Variants in METTL15 observed in about 807,000 individuals in gnomAD.
The protein encoded by METTL15 is 12S rRNA N(4)-cytidine methyltransferase METTL15.
A neutral mutation model predicts 38.3 loss-of-function variants in METTL15; 34 were observed. The observed-to-expected ratio is 0.89, with a 90% confidence interval of 0.68 to 1.18. The LOEUF is 1.18. Ranked by LOEUF, METTL15 falls within the 50% of genes most tolerant of loss-of-function variation. The probability of loss-of-function intolerance (pLI) is 0.00; values close to 1 mark genes in which losing one functional copy is unlikely to be tolerated. For missense variants in METTL15, 438 were observed against 498.4 expected (o/e 0.88, Z 1.15); for synonymous variants, 162 against 170.9 (o/e 0.95, Z 0.41).
At chr11:28,461,965 A>C (rs1469544391) in intron 6 of METTL15, among the ~76,000 whole-genome samples, 9 of 152,064 alleles carry the variant, frequency 5.9e-5, no homozygotes, top group Non-Finnish European at 4.4e-5. Context: ...TTCTCTGTAG[A>C]TGTGATTCAG....
chr11:28,488,085 T>G (rs1361132844), intron 6 of METTL15, among the ~76,000 whole-genome samples: 1 of 152,174 alleles, frequency 6.6e-6, no homozygotes, highest in Non-Finnish European at 1.5e-5. Flanking sequence ...TATTGTTTAT[T>G]TATACAACAG....
intron 3 of METTL15, among the ~76,000 whole-genome samples, chr11:28,207,119 G>T (rs1454087180): frequency 6.7e-6 from 1 of 149,206 alleles, no homozygotes; most frequent in Non-Finnish European, 1.5e-5. Context: ...TTGCCTCATT[G>T]CCCTGGCCAG....
At chr11:28,374,437 G>T (rs1028663255) in intron 5 of METTL15, among the ~76,000 whole-genome samples, 1 of 150,630 alleles carries the variant, frequency 6.6e-6, no homozygotes, top group African/African-American at 2.4e-5. Flanking sequence ...ATTGTGAATG[G>T]GAGTTCACTC....
chr11:28,232,896 A>G (rs185599122), intron 4 of METTL15, among the ~76,000 whole-genome samples: 90 of 152,190 alleles, frequency 5.9e-4, no homozygotes, highest in African/African-American at 2.0e-3. Context: ...TGAATATCTA[A>G]CAGGGCTTGA....
intron 5 of METTL15, among the ~76,000 whole-genome samples, chr11:28,377,839 G>A (rs545155852): frequency 2.6e-5 from 4 of 151,298 alleles, no homozygotes; most frequent in African/African-American, 7.3e-5. Context: ...TTTTTGGTGT[G>A]GATGTCCTTT....
chr11:28,238,289 C>T (rs1462014562), intron 4 of METTL15, among the ~76,000 whole-genome samples: 2 of 152,164 alleles, frequency 1.3e-5, no homozygotes, highest in Non-Finnish European at 2.9e-5. Flanking sequence ...GCTTTGTTTA[C>T]CTAAGGGAGC....
chr11:28,226,953 A>T (rs1470122156), intron 4 of METTL15, among the ~76,000 whole-genome samples: 1 of 151,918 alleles, frequency 6.6e-6, no homozygotes. Context: ...TATCTAAACC[A>T]TTTTGAACTA....
intron 3 of METTL15, among the ~76,000 whole-genome samples, chr11:28,167,773 T>C (rs942503051): frequency 2.6e-5 from 4 of 151,958 alleles, no homozygotes; most frequent in African/African-American, 9.7e-5. Flanking sequence ...TATACTGTAA[T>C]GACAAAATCC....
chr11:28,250,481 T>G (rs961150458), intron 4 of METTL15, among the ~76,000 whole-genome samples: 11 of 152,066 alleles, frequency 7.2e-5, no homozygotes, highest in Non-Finnish European at 8.8e-5. Flanking sequence ...GGTGAGCATT[T>G]TTTCATATGC....
intron 3 of METTL15, among the ~76,000 whole-genome samples, chr11:28,196,700 C>T (rs12269918): frequency 0.15 from 23,118 of 151,226 alleles, 1,924 homozygotes; most frequent in East Asian, 0.28. Context: ...AGAAGACTGA[C>T]ATAAGAACAA....
At chr11:28,131,976 T>C (rs1183791199) in intron 3 of METTL15, among the ~76,000 whole-genome samples, 1 of 152,182 alleles carries the variant, frequency 6.6e-6, no homozygotes, top group Non-Finnish European at 1.5e-5. Flanking sequence ...AAAAAAATGA[T>C]TATTTACCTG....
intron 3 of METTL15, among the ~76,000 whole-genome samples, chr11:28,204,218 A>G (rs1216926951): frequency 6.6e-6 from 1 of 151,844 alleles, no homozygotes; most frequent in African/African-American, 2.4e-5. Flanking sequence ...TGGTTTGTAT[A>G]TTTTCTACTT....
rs11030364 is a variant in METTL15 at position 28,525,788 on chromosome 11, C to T, written c.*425-690C>T. ...GTGGAGCTGCCTGCCAGTACCGCGC[C>T]GTGCACCCGCACTCCTCAGCCTTTG... is the stretch of plus-strand genomic sequence containing the variant. On this transcript the variant is annotated intron_variant and NMD_transcript_variant, in intron 6 of 7. Coordinates refer to the METTL15 transcript ENST00000532947. 5.1e-4 allele frequency among the ~76,000 whole-genome samples: 78 copies of T among 152,380 alleles called. 1 individual carries two copies. In the East Asian group the frequency reaches 9.1e-3, roughly 18 times the overall value.
chr11:28,336,527 C>T (rs1849902411), downstream of METTL15, among the ~76,000 whole-genome samples: 1 of 152,146 alleles, frequency 6.6e-6, no homozygotes, highest in South Asian at 2.1e-4. Flanking sequence ...GTGTGTGTTG[C>T]AGGTCTTAAA....
intron 6 of METTL15, among the ~76,000 whole-genome samples, chr11:28,510,409 G>A (rs1851664693): frequency 1.3e-5 from 2 of 152,134 alleles, no homozygotes; most frequent in South Asian, 4.1e-4. Flanking sequence ...CCCAAAGGCA[G>A]TATATTAAGC....
chr11:28,529,280 T>G (rs1323914752), downstream of METTL15, among the ~76,000 whole-genome samples: 1 of 152,082 alleles, frequency 6.6e-6, no homozygotes, highest in Non-Finnish European at 1.5e-5. Flanking sequence ...CTCTGGTTTT[T>G]CTAGTGCTTA....
intron 3 of METTL15, among the ~76,000 whole-genome samples, chr11:28,156,724 G>A (rs1269309254): frequency 1.3e-5 from 2 of 152,012 alleles, no homozygotes; most frequent in Non-Finnish European, 1.5e-5. Flanking sequence ...TTTGCCTGTA[G>A]ACAAATTTGT....
chr11:28,430,838 T>C (rs1850917527), intron 6 of METTL15, among the ~76,000 whole-genome samples: 1 of 80,324 alleles, frequency 1.2e-5, no homozygotes, highest in Non-Finnish European at 2.6e-5. Flanking sequence ...AGCCGCCTGG[T>C]CCGGGAGGGA....
chr11:28,284,591 A>G (rs1856180762), intron 4 of METTL15, among the ~76,000 whole-genome samples: 1 of 152,206 alleles, frequency 6.6e-6, no homozygotes, highest in Non-Finnish European at 1.5e-5. Flanking sequence ...GCCCAAGTAC[A>G]GTATGGAGGA....
Sources: allele counts gnomAD v4.1 joint callset (sites outside exome capture counted in the v4.1 genomes callset), GRCh38; gene constraint gnomAD v4.1.1; transcripts MANE v1.5; gene names NCBI Gene and HGNC (gene_info 2026-07-23, HGNC 2026-07-21).